The following LINC00305 variants were observed in gnomAD, a reference collection of about 807,000 sequenced individuals.
The protein encoded by LINC00305 is long intergenic non-protein coding RNA 305.
intron 3 of LINC00305, among the ~76,000 whole-genome samples, chr18:64,086,495 A>G (rs548335541): frequency 4.6e-5 from 7 of 152,332 alleles, no homozygotes; most frequent in African/African-American, 1.7e-4. Context: ...AGCTTTGGAA[A>G]TTTCTAAGGT....
chr18:64,085,959 T>C (rs2051201682), intron 3 of LINC00305, among the ~76,000 whole-genome samples: 1 of 152,262 alleles, frequency 6.6e-6, no homozygotes. Flanking sequence ...CTGTATATCT[T>C]ACATTTCTTT....
intron 1 of LINC00305, among the ~76,000 whole-genome samples, chr18:64,135,323 G>A (rs2144271992): frequency 6.6e-6 from 1 of 152,294 alleles, no homozygotes; most frequent in East Asian, 1.9e-4. Flanking sequence ...CCAGCATGTG[G>A]TTTTGGGAGG....
intron 1 of LINC00305, among the ~76,000 whole-genome samples, chr18:64,117,796 T>C (rs1218178237): frequency 1.3e-5 from 2 of 152,190 alleles, no homozygotes; most frequent in Non-Finnish European, 1.5e-5. Flanking sequence ...TCCACACATT[T>C]GTTTTCTAAA....
chr18:64,130,104 A>G (rs1275196868), intron 1 of LINC00305, among the ~76,000 whole-genome samples: 1 of 152,074 alleles, frequency 6.6e-6, no homozygotes, highest in Non-Finnish European at 1.5e-5. Flanking sequence ...TACATTAGAT[A>G]TATCTCCTAC....
intron 1 of LINC00305, among the ~76,000 whole-genome samples, chr18:64,127,687 A>T (rs2051391422): frequency 3.3e-5 from 5 of 152,024 alleles, no homozygotes; most frequent in African/African-American, 1.2e-4. Flanking sequence ...CAACCCCTTT[A>T]TCAAGTCCCT....
intron 3 of LINC00305, among the ~76,000 whole-genome samples, chr18:64,096,913 A>G (rs2051247248): frequency 6.6e-6 from 1 of 151,940 alleles, no homozygotes; most frequent in Non-Finnish European, 1.5e-5. Flanking sequence ...AATAATAATA[A>G]TGGCCAAAAT....
chr18:64,134,663 G>C (rs938478217), intron 1 of LINC00305, among the ~76,000 whole-genome samples: 3 of 152,084 alleles, frequency 2.0e-5, no homozygotes, highest in Non-Finnish European at 4.4e-5. Context: ...AAATAGGGGG[G>C]TCCAAGTTAC....
intron 3 of LINC00305, among the ~76,000 whole-genome samples, chr18:64,085,336 A>G (rs1422495351): frequency 6.6e-6 from 1 of 152,202 alleles, no homozygotes; most frequent in East Asian, 1.9e-4. Context: ...TTTCCATAGG[A>G]AGTCTGCTTT....
chr18:64,125,860 A>G (rs1002836959), intron 1 of LINC00305, among the ~76,000 whole-genome samples: 4 of 152,092 alleles, frequency 2.6e-5, no homozygotes, highest in African/African-American at 9.7e-5. Context: ...TTATTGCAGT[A>G]ATTATAAAAG....
At chr18:64,083,690 T>C (rs1166232116) in intron 3 of LINC00305, among the ~76,000 whole-genome samples, 1 of 152,166 alleles carries the variant, frequency 6.6e-6, no homozygotes, top group Non-Finnish European at 1.5e-5. Context: ...CTGTCATTTC[T>C]CTTCTAGTAG....
chr18:64,126,612 G>A (rs2051386619), intron 1 of LINC00305, among the ~76,000 whole-genome samples: 2 of 151,916 alleles, frequency 1.3e-5, no homozygotes, highest in African/African-American at 4.8e-5. Context: ...TCTTAGTATG[G>A]GAATTCTGAG....
chr18:64,107,520 G>A (rs187188198), intron 1 of LINC00305, among the ~76,000 whole-genome samples: 27 of 152,324 alleles, frequency 1.8e-4, no homozygotes, highest in East Asian at 5.8e-4. Flanking sequence ...AGATGCGCAC[G>A]GAGGAAGCAT....
intron 1 of LINC00305, among the ~76,000 whole-genome samples, chr18:64,130,141 T>C (rs975114529): frequency 2.0e-5 from 3 of 152,176 alleles, no homozygotes; most frequent in African/African-American, 7.2e-5. Context: ...CTATATACCA[T>C]GGATGATAAG....
At chr18:64,085,681 G>A (rs1312063442) in intron 3 of LINC00305, among the ~76,000 whole-genome samples, 5 of 152,076 alleles carry the variant, frequency 3.3e-5, no homozygotes, top group East Asian at 3.9e-4. Context: ...GGCTGGTTTC[G>A]AACTCCCAAC....
At chr18:64,104,046 GA>G (rs1179815631) in intron 1 of LINC00305, 37 of 152,184 alleles carry the variant, frequency 2.4e-4, no homozygotes, top group Admixed American at 2.4e-3. Context: ...TTGACAGAAA[GA>G]AAGATTCTAT....
chr18:64,120,285 T>A (rs996993353), intron 1 of LINC00305, among the ~76,000 whole-genome samples: 56 of 152,062 alleles, frequency 3.7e-4, no homozygotes, highest in African/African-American at 1.2e-3. Context: ...TCTTCTTTTT[T>A]TGTTAGTTTA....
chr18:64,111,344 T>C (rs1373901252), intron 1 of LINC00305, among the ~76,000 whole-genome samples: 1 of 152,126 alleles, frequency 6.6e-6, no homozygotes, highest in Non-Finnish European at 1.5e-5. Context: ...GGAGAGGATT[T>C]GACCTTCCTC....
intron 1 of LINC00305, among the ~76,000 whole-genome samples, chr18:64,110,811 A>C (rs1451244631): frequency 2.6e-5 from 4 of 152,240 alleles, no homozygotes; most frequent in Non-Finnish European, 5.9e-5. Context: ...TGGTTCATTC[A>C]TGCTACACTT....
At chr18:64,120,686 A>G (rs908600811) in intron 1 of LINC00305, among the ~76,000 whole-genome samples, 1 of 152,148 alleles carries the variant, frequency 6.6e-6, no homozygotes, top group African/African-American at 2.4e-5. Context: ...GATTCTAGAG[A>G]GCAAGGCATG....
Sources: gnomAD v4.1 joint callset for allele counts (sites outside exome capture counted in the v4.1 genomes callset) on GRCh38, gnomAD v4.1.1 for gene constraint, MANE v1.5 for transcripts, NCBI Gene and HGNC (gene_info 2026-07-23, HGNC 2026-07-21) for gene names.